Variants in NALF1 observed in about 807,000 individuals in gnomAD.
The protein encoded by NALF1 is NALCN channel auxiliary factor 1.
A neutral mutation model predicts 48.4 loss-of-function variants in NALF1; 3 were observed. The observed-to-expected ratio is 0.06, with a 90% CI of 0.03 to 0.16. The LOEUF is 0.16. Ranked by LOEUF, NALF1 falls within the 10% of genes least tolerant of loss-of-function variation. NALF1 has a pLI of 1.00. For synonymous variants in NALF1, 262 were observed against 245.7 expected (o/e 1.07, Z -0.62); for missense variants, 526 against 571.5 (o/e 0.92, Z 0.81).
At chr13:107,737,271 A>T (rs1402324360) in intron 1 of NALF1, among the ~76,000 whole-genome samples, 1 of 152,170 alleles carries the variant, frequency 6.6e-6, no homozygotes, top group Non-Finnish European at 1.5e-5. Context: ...TTCTTTCTAC[A>T]GTCTAGCTAA....
At chr13:107,358,095 CAT>C (rs1325396312) in intron 1 of NALF1, among the ~76,000 whole-genome samples, 3 of 151,950 alleles carry the variant, frequency 2.0e-5, no homozygotes, top group African/African-American at 4.8e-5. Context: ...TGTATATAGA[CAT>C]GTGTCTGTGG....
rs557113823 is a variant in NALF1 at position 107,221,179 on chromosome 13, A to G, written c.916-10424T>C. On this transcript the variant is annotated intron_variant, in intron 1 of 2. Coordinates refer to ENST00000375915, the MANE Select transcript of NALF1 (RefSeq NM_001080396.3). ...GATAGAAAACTACCTGTAGGGTACA[A>G]TGTACACTACTCAGGTGACCGGTGC... Among the ~76,000 whole-genome samples the G allele has an allele frequency of 3.3e-5, 5 of 152,218 alleles. No individual in the cohort carries two copies. In the South Asian group the frequency reaches 1.0e-3, roughly 32 times the overall value.
intron 1 of NALF1, among the ~76,000 whole-genome samples, chr13:107,650,080 T>C (rs1397331509): frequency 3.3e-5 from 5 of 152,178 alleles, no homozygotes; most frequent in Non-Finnish European, 7.4e-5. Context: ...ATTTTCAAAA[T>C]GAGTATTTTA....
chr13:107,212,146 G>A (rs962308198), intron 1 of NALF1, among the ~76,000 whole-genome samples: 2 of 152,198 alleles, frequency 1.3e-5, no homozygotes, highest in Admixed American at 6.5e-5. Context: ...TTTGGTAGAA[G>A]GAGGATTGTA....
intron 1 of NALF1, among the ~76,000 whole-genome samples, chr13:107,728,417 C>T (rs1002108769): frequency 1.3e-5 from 2 of 152,020 alleles, no homozygotes; most frequent in East Asian, 3.9e-4. Context: ...TCATTCTCAG[C>T]AAACTAACAC....
At chr13:107,330,153 G>C (rs1882441835) in intron 1 of NALF1, among the ~76,000 whole-genome samples, 1 of 152,158 alleles carries the variant, frequency 6.6e-6, no homozygotes, top group Non-Finnish European at 1.5e-5. Context: ...CAGGGCTGTA[G>C]CCTTTGTTAA....
At chr13:107,556,996 A>C (rs950210389) in intron 1 of NALF1, among the ~76,000 whole-genome samples, 6 of 152,216 alleles carry the variant, frequency 3.9e-5, no homozygotes, top group African/African-American at 1.4e-4. Flanking sequence ...GTGATTTTTC[A>C]ACCTCTGAAA....
At chr13:107,181,617 T>TTTC (rs199986580) in intron 2 of NALF1, among the ~76,000 whole-genome samples, 2 of 151,570 alleles carry the variant, frequency 1.3e-5, no homozygotes, top group African/African-American at 4.8e-5. Context: ...TATAGACTTT[T>TTTC]TTTTTTTTTG....
At chr13:107,353,635 T>A (rs979153813) in intron 1 of NALF1, among the ~76,000 whole-genome samples, 2 of 152,208 alleles carry the variant, frequency 1.3e-5, no homozygotes, top group Non-Finnish European at 2.9e-5. Context: ...AAAAACAAGA[T>A]CTGCCTGCTA....
At chr13:107,695,069 G>A (rs3905070) in intron 1 of NALF1, among the ~76,000 whole-genome samples, 94,609 of 151,954 alleles carry the variant, frequency 0.62, 29,863 homozygotes, top group Non-Finnish European at 0.67. Context: ...CTGGGATGAT[G>A]GACGTGAACC....
At chr13:107,351,732 A>G (rs1882880309) in intron 1 of NALF1, among the ~76,000 whole-genome samples, 1 of 152,214 alleles carries the variant, frequency 6.6e-6, no homozygotes, top group Non-Finnish European at 1.5e-5. Flanking sequence ...TCCCGAATAA[A>G]CTCAACATAT....
At chr13:107,267,636 T>C (rs9558988) in intron 1 of NALF1, among the ~76,000 whole-genome samples, 41,082 of 152,156 alleles carry the variant, frequency 0.27, 6,291 homozygotes, top group East Asian at 0.52. Context: ...CTATATGTAC[T>C]GTTTTCTTCT....
At chr13:107,649,933 C>G (rs1880404364) in intron 1 of NALF1, among the ~76,000 whole-genome samples, 1 of 152,120 alleles carries the variant, frequency 6.6e-6, no homozygotes, top group South Asian at 2.1e-4. Flanking sequence ...AATGATAATG[C>G]TACATGGACT....
intron 1 of NALF1, among the ~76,000 whole-genome samples, chr13:107,367,851 T>C (rs1883178973): frequency 1.3e-5 from 2 of 152,110 alleles, no homozygotes; most frequent in African/African-American, 4.8e-5. Context: ...TGCAGACTAG[T>C]TTACTGTACT....
chr13:107,239,315 C>T (rs1880417415), intron 1 of NALF1, among the ~76,000 whole-genome samples: 1 of 152,138 alleles, frequency 6.6e-6, no homozygotes, highest in Admixed American at 6.5e-5. Flanking sequence ...GCTCTCCTGC[C>T]TGTGGTGTTG....
intron 1 of NALF1, among the ~76,000 whole-genome samples, chr13:107,243,200 T>A (rs1444949685): frequency 6.6e-6 from 1 of 152,250 alleles, no homozygotes; most frequent in Non-Finnish European, 1.5e-5. Flanking sequence ...CCCTAAAGTC[T>A]GCCGCTGCGT....
At chr13:107,735,786 C>A (rs966668828) in intron 1 of NALF1, among the ~76,000 whole-genome samples, 1 of 152,176 alleles carries the variant, frequency 6.6e-6, no homozygotes, top group Non-Finnish European at 1.5e-5. Context: ...TCTTTACCCA[C>A]CAACTCTTCT....
chr13:107,415,892 C>T lies in NALF1; in HGVS notation c.916-205137G>A, dbSNP rs576173299. On this transcript the variant is annotated intron_variant, in intron 1 of 2. Transcript: ENST00000375915. ...GACACATCAACTCTGAGTTTATATC[C>T]GACATGTAAGACCTTCTGCTCGATG... Among the ~76,000 whole-genome samples, 352 of 152,272 alleles carry T rather than the reference C, an allele frequency of 2.3e-3. 2 individuals carry two copies. Among genetic ancestry groups the T allele is most frequent in the African/African-American group, 7.1e-3 (294 of 41,550 alleles).
intron 1 of NALF1, among the ~76,000 whole-genome samples, chr13:107,233,466 C>T (rs932581921): frequency 3.0e-4 from 46 of 152,172 alleles, no homozygotes; most frequent in Admixed American, 8.5e-4. Flanking sequence ...GAAGGTATCA[C>T]GTTCCATAGT....
Sources: gnomAD v4.1 joint callset for allele counts (sites outside exome capture counted in the v4.1 genomes callset) on GRCh38, gnomAD v4.1.1 for gene constraint, MANE v1.5 for transcripts, NCBI Gene and HGNC (gene_info 2026-07-23, HGNC 2026-07-21) for gene names.